Variants in IQCJ observed in about 807,000 individuals in gnomAD.
The protein encoded by IQCJ is IQ motif containing J.
IQCJ carries 9 observed loss-of-function variants against 11.0 expected under a neutral mutation model. The observed-to-expected ratio is 0.82, with a 90% CI of 0.49 to 1.43. The LOEUF (loss-of-function observed/expected upper bound fraction) is 1.43, where lower values mean the gene tolerates loss of function less well. Among genes scored for constraint, IQCJ ranks in the 40% most tolerant of loss-of-function variants. The probability of loss-of-function intolerance (pLI) is 0.00; values close to 1 mark genes in which losing one functional copy is unlikely to be tolerated. For synonymous variants in IQCJ, 55 were observed against 51.3 expected, an observed-to-expected ratio of 1.07 and a Z score of -0.31; for missense variants, 146 against 133.2, an observed-to-expected ratio of 1.10 and a Z score of -0.47.
intron 1 of IQCJ, among the ~76,000 whole-genome samples, chr3:159,207,326 T>C (rs1334386886): frequency 6.6e-6 from 1 of 152,212 alleles, no homozygotes; most frequent in Admixed American, 6.5e-5. Flanking sequence ...GGCCACAGCA[T>C]TCAACTGTAT....
At chr3:159,119,984 G>A (rs1719261078) in intron 1 of IQCJ, among the ~76,000 whole-genome samples, 2 of 152,148 alleles carry the variant, frequency 1.3e-5, no homozygotes, top group African/African-American at 2.4e-5. Context: ...TTTTAGAATT[G>A]TATATTTCAT....
At chr3:159,132,289 A>G (rs1720036759) in intron 1 of IQCJ, among the ~76,000 whole-genome samples, 1 of 152,128 alleles carries the variant, frequency 6.6e-6, no homozygotes, top group Non-Finnish European at 1.5e-5. Flanking sequence ...AGCTCTAAGT[A>G]ACTAAGAAGT....
Position 159,252,780 on chromosome 3 carries a change from T to C in IQCJ, c.128T>C (p.Leu43Pro). 2 of 1,612,676 alleles carry C rather than the reference T, an allele frequency of 1.2e-6. No individual in the cohort carries two copies. The highest frequency in any genetic ancestry group is 1.7e-6 in the Non-Finnish European group (2 of 1,179,260). Residue 43 changes from leucine (L) to proline (P), a missense_variant, in exon 3 of 4, where the codon CTA (leucine) becomes CCA (proline). Physicochemically the swap from Leu to Pro is moderately conservative, Grantham distance 98. Coordinates refer to ENST00000397832, the MANE Select transcript of IQCJ (RefSeq NM_001042706.3). ...AATATTGAAAAGTATCCCCTCAATC[T>C]ACAGCCCTTGGAATCAAAGGTGAAA... ...ENNIEKYPLN[L>P]QPLESKVKII...
At chr3:159,089,857 T>C (rs1717108181) in intron 1 of IQCJ, among the ~76,000 whole-genome samples, 1 of 151,790 alleles carries the variant, frequency 6.6e-6, no homozygotes, top group South Asian at 2.1e-4. Flanking sequence ...TCTTTGCCTT[T>C]GGTTTGAGTG....
At chr3:159,089,501 A>G (rs967193187) in intron 1 of IQCJ, among the ~76,000 whole-genome samples, 2 of 151,994 alleles carry the variant, frequency 1.3e-5, no homozygotes, top group African/African-American at 4.8e-5. Context: ...CCTGGATAAT[A>G]TCCTGCAGAG....
intron 1 of IQCJ, among the ~76,000 whole-genome samples, chr3:159,210,993 T>C (rs1346730712): frequency 6.6e-6 from 1 of 152,084 alleles, no homozygotes; most frequent in Non-Finnish European, 1.5e-5. Flanking sequence ...AACTATGAAA[T>C]AGAGTGCAAA....
chr3:159,165,759 A>G (rs1457852808), intron 1 of IQCJ, among the ~76,000 whole-genome samples: 3 of 147,552 alleles, frequency 2.0e-5, no homozygotes, highest in Non-Finnish European at 3.0e-5. Context: ...GACTACAGGC[A>G]TGTGCCACCA....
chr3:159,069,670 G>A (rs766249466), intron 1 of IQCJ: 80 of 624,170 alleles, frequency 1.3e-4, no homozygotes, highest in East Asian at 1.2e-3. Flanking sequence ...GTGTCTGTGC[G>A]GACAGATTTC....
intron 1 of IQCJ, among the ~76,000 whole-genome samples, chr3:159,095,498 A>C: frequency 1.6e-5 from 2 of 121,586 alleles, no homozygotes; most frequent in African/African-American, 3.2e-5. Flanking sequence ...ATATCTCCCA[A>C]TGCTATCCCT....
intron 2 of IQCJ, among the ~76,000 whole-genome samples, chr3:159,249,560 G>A (rs1187503922): frequency 6.6e-6 from 1 of 152,188 alleles, no homozygotes; most frequent in Non-Finnish European, 1.5e-5. Context: ...CCATTTGCCT[G>A]GAATTCTGGA....
chr3:159,218,701 A>T (rs1235469645), intron 1 of IQCJ, among the ~76,000 whole-genome samples: 8 of 152,114 alleles, frequency 5.3e-5, no homozygotes, highest in Non-Finnish European at 1.2e-4. Flanking sequence ...TCTACTTCAG[A>T]TTTCATTTGG....
intron 1 of IQCJ, among the ~76,000 whole-genome samples, chr3:159,197,518 A>G (rs1021883760): frequency 2.6e-5 from 4 of 152,146 alleles, no homozygotes; most frequent in African/African-American, 9.7e-5. Flanking sequence ...ACATTTCCAA[A>G]TGTAGGGATA....
chr3:159,131,439 G>A (rs1217125262), intron 1 of IQCJ, among the ~76,000 whole-genome samples: 1 of 152,090 alleles, frequency 6.6e-6, no homozygotes, highest in Admixed American at 6.6e-5. Context: ...AGAGGCATTG[G>A]CAAATCAGAA....
chr3:159,189,603 G>A (rs771160968), intron 1 of IQCJ, among the ~76,000 whole-genome samples: 2 of 152,160 alleles, frequency 1.3e-5, no homozygotes, highest in Non-Finnish European at 2.9e-5. Context: ...TGCTGCCCTA[G>A]GGTCGTTTTA....
chr3:159,069,324 C>A lies in IQCJ; in HGVS notation c.-109C>A. 2 of 1,433,140 alleles carry A rather than the reference C, an allele frequency of 1.4e-6. No homozygotes were observed. The highest frequency in any genetic ancestry group is 2.4e-5 in the Admixed American group (1 of 41,628). 88.8% of individuals were successfully genotyped at this position (1,433,140 alleles called of 1,614,324 possible). A position where few individuals can be genotyped will look rare whatever the true frequency, so the allele number is the denominator to read the frequency against. ...ACTCAAAGGTTTCCAGCCTCACACT[C>A]GCCTCACATTCCCCCACAGTCACAT... On this transcript the variant is annotated 5_prime_UTR_variant, in exon 1 of 4. Coordinates refer to ENST00000397832, the MANE Select transcript of IQCJ (RefSeq NM_001042706.3).
chr3:159,234,284 A>T (rs763568335), intron 1 of IQCJ, among the ~76,000 whole-genome samples: 11 of 152,208 alleles, frequency 7.2e-5, no homozygotes, highest in Non-Finnish European at 1.3e-4. Context: ...GAGCCTAGTA[A>T]AATTCAATTA....
intron 1 of IQCJ, among the ~76,000 whole-genome samples, chr3:159,197,331 C>T (rs1724046105): frequency 6.6e-6 from 1 of 152,182 alleles, no homozygotes; most frequent in Non-Finnish European, 1.5e-5. Context: ...TCTGTCATTT[C>T]TCCATTGTCA....
chr3:159,191,156 CG>C (rs1257600254), intron 1 of IQCJ, among the ~76,000 whole-genome samples: 11 of 152,042 alleles, frequency 7.2e-5, no homozygotes, highest in Non-Finnish European at 1.5e-4. Flanking sequence ...TTGGTGGAAA[CG>C]GGTTCTGCAG....
intron 1 of IQCJ, among the ~76,000 whole-genome samples, chr3:159,110,322 C>T (rs1718545551): frequency 6.6e-6 from 1 of 152,186 alleles, no homozygotes; most frequent in African/African-American, 2.4e-5. Context: ...CACACAGAAC[C>T]ACTCAGTGAA....
Sources: gnomAD v4.1 joint callset for allele counts (sites outside exome capture counted in the v4.1 genomes callset) on GRCh38, gnomAD v4.1.1 for gene constraint, MANE v1.5 for transcripts, NCBI Gene and HGNC (gene_info 2026-07-23, HGNC 2026-07-21) for gene names.